The following THADA variants were observed in gnomAD, a reference collection of about 807,000 sequenced individuals.
The protein encoded by THADA is tRNA (32-2'-O)-methyltransferase regulator THADA.
In THADA, 213 loss-of-function variants were observed where a neutral mutation model predicts 219.8. The observed-to-expected ratio is 0.97, with a 90% CI of 0.87 to 1.09. The LOEUF (loss-of-function observed/expected upper bound fraction) is 1.09, where lower values mean the gene tolerates loss of function less well. Ranked by LOEUF, THADA falls within the 50% of genes least tolerant of loss-of-function variation. The probability of loss-of-function intolerance (pLI) is 0.00; values close to 1 mark genes in which losing one functional copy is unlikely to be tolerated. For missense variants in THADA, 2,956 were observed against 2,311.3 expected, an observed-to-expected ratio of 1.28 and a Z score of -5.72; for synonymous variants, 1,018 against 828.9, an observed-to-expected ratio of 1.23 and a Z score of -3.92.
At chr2:43,265,480 T>C (rs899206843) in intron 36 of THADA, among the ~76,000 whole-genome samples, 10 of 152,144 alleles carry the variant, frequency 6.6e-5, no homozygotes, top group African/African-American at 2.4e-4. Flanking sequence ...GGGGCCAGAC[T>C]TGTGCCGGGC....
intron 36 of THADA, among the ~76,000 whole-genome samples, chr2:43,263,145 C>G (rs1021459473): frequency 4.6e-5 from 7 of 152,162 alleles, no homozygotes; most frequent in Non-Finnish European, 8.8e-5. Flanking sequence ...AAATGTGTCA[C>G]GGCACTTCCT....
chr2:43,292,289 CATG>C, intron 32 of THADA, 67 bp from the exon 33 acceptor site: 1 of 1,010,876 alleles, frequency 9.9e-7, no homozygotes, highest in Non-Finnish European at 1.4e-6. Flanking sequence ...CTAGATGTTA[CATG>C]ATAATCAATT....
intron 31 of THADA, among the ~76,000 whole-genome samples, chr2:43,300,644 T>G (rs1676152471): frequency 6.6e-6 from 1 of 151,954 alleles, no homozygotes; most frequent in Non-Finnish European, 1.5e-5. Context: ...CAGGGAGAGT[T>G]AGGAGAGAAC....
intron 21 of THADA, 85 bp downstream of exon 21, chr2:43,541,074 C>A: frequency 1.5e-6 from 2 of 1,338,116 alleles, no homozygotes; most frequent in Non-Finnish European, 2.0e-6. Context: ...AATTTTAAAC[C>A]TTTTTTTAGA....
In THADA at chr2:43,232,336, G is replaced by T. The variant is rs1274477972; in HGVS notation, c.5466+377C>A. Among the ~76,000 whole-genome samples, 3 of 152,094 alleles carry T rather than the reference G, an allele frequency of 2.0e-5. No individual in the cohort carries two copies. In the East Asian group the frequency reaches 5.8e-4, roughly 29 times the overall value. The stretch of plus-strand genomic sequence containing the variant: ...TGGGACTACAGGCACCCACCACCAT[G>T]CCCGGCTAATTTTTTGTATTTTTAG... On this transcript the variant is annotated intron_variant, in intron 37 of 37. Coordinates refer to ENST00000405975, the MANE Select transcript of THADA (RefSeq NM_022065.5).
In THADA at chr2:43,586,268, A is replaced by G; in HGVS notation, c.533+133T>C. 3.8e-6 allele frequency: 3 copies of G among 794,044 alleles called. No homozygotes were observed. In the South Asian group the frequency reaches 7.3e-5, roughly 19 times the overall value. The allele number at this position is 794,044 out of a possible 1,614,324, so 49.2% of individuals were successfully genotyped here. On this transcript the variant is annotated intron_variant, in intron 7 of 37. Transcript: ENST00000405975. ...TGACACAGCAAGACCCCATCTCAAAAAAAATATAAAAGTGATAATATTAAT... is the reference window on the plus strand; with the variant it reads ...TGACACAGCAAGACCCCATCTCAAAGAAAATATAAAAGTGATAATATTAAT...
intron 36 of THADA, among the ~76,000 whole-genome samples, chr2:43,262,018 C>T (rs1020469809): frequency 7.2e-5 from 11 of 152,182 alleles, no homozygotes; most frequent in Admixed American, 4.6e-4. Context: ...GTGATCCACC[C>T]GCCTCGGCCT....
intron 31 of THADA, among the ~76,000 whole-genome samples, chr2:43,294,317 G>T (rs1351235852): frequency 6.6e-6 from 1 of 152,212 alleles, no homozygotes; most frequent in Non-Finnish European, 1.5e-5. Flanking sequence ...AAAGAGAAAT[G>T]CATGAACACA....
intron 25 of THADA, among the ~76,000 whole-genome samples, chr2:43,494,365 A>T (rs1159759885): frequency 6.6e-6 from 1 of 152,150 alleles, no homozygotes; most frequent in Non-Finnish European, 1.5e-5. Context: ...CTTGGTTAGT[A>T]CCACTCAATA....
chr2:43,548,195 C>T (rs1408119645), intron 20 of THADA, among the ~76,000 whole-genome samples: 7 of 152,282 alleles, frequency 4.6e-5, no homozygotes, highest in East Asian at 3.9e-4. Flanking sequence ...TTGTGAACCG[C>T]GAATGCTGCT....
intron 29 of THADA, among the ~76,000 whole-genome samples, chr2:43,346,473 C>A (rs866700978): frequency 6.6e-6 from 1 of 152,066 alleles, no homozygotes; most frequent in South Asian, 2.1e-4. Flanking sequence ...AGCAAGGCAA[C>A]TCTTTCTTCC....
In THADA at chr2:43,452,480, A is replaced by G. The variant is rs574069989; in HGVS notation, c.3837-22178T>C. 1.5e-4 allele frequency among the ~76,000 whole-genome samples: 23 copies of G among 152,230 alleles called. No individual in the cohort carries two copies. In the South Asian group the frequency reaches 4.6e-3, roughly 30 times the overall value. Reference sequence around the variant, plus strand: ...ATCCAATTATCTTATTTCCCAATCTAGTCATTAGACATTCCAAGGTTTCTA... The same window carrying G: ...ATCCAATTATCTTATTTCCCAATCTGGTCATTAGACATTCCAAGGTTTCTA... On this transcript the variant is annotated intron_variant, in intron 26 of 37. Coordinates refer to ENST00000405975, the MANE Select transcript of THADA (RefSeq NM_022065.5).
chr2:43,251,063 G>GT (rs1669759222), intron 36 of THADA, among the ~76,000 whole-genome samples: 1 of 152,182 alleles, frequency 6.6e-6, no homozygotes, highest in African/African-American at 2.4e-5. Context: ...GACTGGAAAG[G>GT]TTGCAGCCTG....
chr2:43,346,295 T>C (rs1667618639), intron 29 of THADA, among the ~76,000 whole-genome samples: 1 of 152,192 alleles, frequency 6.6e-6, no homozygotes, highest in South Asian at 2.1e-4. Context: ...ACTAACCTCA[T>C]AGACATTTAG....
chr2:43,402,112 C>T (rs566913950), intron 28 of THADA, among the ~76,000 whole-genome samples: 1 of 152,258 alleles, frequency 6.6e-6, no homozygotes, highest in South Asian at 2.1e-4. Context: ...TTCCCAGACC[C>T]AGGTGGAGAA....
intron 31 of THADA, among the ~76,000 whole-genome samples, chr2:43,314,361 G>T (rs889635592): frequency 6.6e-6 from 1 of 152,092 alleles, no homozygotes; most frequent in Non-Finnish European, 1.5e-5. Flanking sequence ...GGAAAAACCC[G>T]CTCATAAAAC....
chr2:43,349,499 G>A (rs182281925), intron 29 of THADA, among the ~76,000 whole-genome samples: 38 of 152,332 alleles, frequency 2.5e-4, no homozygotes, highest in Non-Finnish European at 5.0e-4. Context: ...GACTAAAATA[G>A]CAACTTGTGT....
intron 30 of THADA, among the ~76,000 whole-genome samples, chr2:43,334,761 C>T (rs920326924): frequency 1.3e-5 from 2 of 151,090 alleles, no homozygotes; most frequent in Middle Eastern, 3.4e-3. Context: ...GGCGACAGAG[C>T]GAGACTCCGT....
At chr2:43,393,446 C>A (rs966481835) in intron 29 of THADA, among the ~76,000 whole-genome samples, 6 of 152,146 alleles carry the variant, frequency 3.9e-5, no homozygotes, top group Admixed American at 3.3e-4. Context: ...GTGGCTCACG[C>A]CCGTAATCCC....
Sources: gnomAD v4.1 joint callset for allele counts (sites outside exome capture counted in the v4.1 genomes callset) on GRCh38, gnomAD v4.1.1 for gene constraint, MANE v1.5 for transcripts, NCBI Gene and HGNC (gene_info 2026-07-23, HGNC 2026-07-21) for gene names.